The following RETREG1 variants were observed in gnomAD, a reference collection of about 807,000 sequenced individuals.
The protein encoded by RETREG1 is reticulophagy regulator 1, also known as family with sequence similarity 134 member B.
A neutral mutation model predicts 54.8 loss-of-function variants in RETREG1; 44 were observed. The observed-to-expected ratio is 0.80, with a 90% CI of 0.63 to 1.03. RETREG1 has a LOEUF of 1.03. Among genes scored for constraint, RETREG1 ranks in the 50% least tolerant of loss-of-function variants. The probability of loss-of-function intolerance (pLI) is 0.00; values close to 1 mark genes in which losing one functional copy is unlikely to be tolerated. For missense variants in RETREG1, 554 were observed against 605.1 expected (o/e 0.92, Z 0.89); for synonymous variants, 217 against 238.5 (o/e 0.91, Z 0.83).
intron 1 of RETREG1, among the ~76,000 whole-genome samples, chr5:16,600,523 AC>A (rs1743025013): frequency 1.3e-5 from 2 of 152,084 alleles, no homozygotes; most frequent in Non-Finnish European, 2.9e-5. Flanking sequence ...TCTGATGGGG[AC>A]CCCCACGTGT....
chr5:16,556,467 C>T (rs1401259479), intron 3 of RETREG1, among the ~76,000 whole-genome samples: 1 of 151,908 alleles, frequency 6.6e-6, no homozygotes, highest in African/African-American at 2.4e-5. Context: ...GATGAAGTAG[C>T]CCCAAAATAA....
intron 3 of RETREG1, among the ~76,000 whole-genome samples, chr5:16,555,434 G>A (rs1741678662): frequency 6.6e-6 from 1 of 152,172 alleles, no homozygotes; most frequent in South Asian, 2.1e-4. Context: ...ATACAAGCGT[G>A]AGCCACCACA....
chr5:16,568,426 C>T (rs1165654854), intron 2 of RETREG1, among the ~76,000 whole-genome samples: 1 of 152,104 alleles, frequency 6.6e-6, no homozygotes, highest in Non-Finnish European at 1.5e-5. Context: ...TGCCCACCAC[C>T]ACGCCCGGCT....
intron 1 of RETREG1, among the ~76,000 whole-genome samples, chr5:16,588,815 C>T (rs1006631423): frequency 4.6e-5 from 7 of 152,246 alleles, no homozygotes; most frequent in African/African-American, 1.7e-4. Context: ...TATATGCTCA[C>T]CCTACTTACT....
chr5:16,611,350 A>G (rs1392780197), intron 1 of RETREG1, among the ~76,000 whole-genome samples: 1 of 152,208 alleles, frequency 6.6e-6, no homozygotes, highest in Non-Finnish European at 1.5e-5. Context: ...ACATGTATAC[A>G]TACGTAACAA....
chr5:16,584,414 T>C (rs1742572642), intron 1 of RETREG1, among the ~76,000 whole-genome samples: 1 of 152,224 alleles, frequency 6.6e-6, no homozygotes, highest in East Asian at 1.9e-4. Context: ...AATAAATGAT[T>C]TTAAAAAATG....
intron 1 of RETREG1, among the ~76,000 whole-genome samples, chr5:16,609,557 G>A (rs1743283185): frequency 6.6e-6 from 1 of 152,162 alleles, no homozygotes; most frequent in Non-Finnish European, 1.5e-5. Context: ...CATCCAGGAG[G>A]AAGGGAGAGA....
chr5:16,584,437 C>A (rs1381198226), intron 1 of RETREG1, among the ~76,000 whole-genome samples: 1 of 152,108 alleles, frequency 6.6e-6, no homozygotes, highest in African/African-American at 2.4e-5. Context: ...ATATATATAA[C>A]TGTAGACCTA....
chr5:16,523,393 C>A (rs192727060), intron 3 of RETREG1, among the ~76,000 whole-genome samples: 6,091 of 152,056 alleles, frequency 0.04, 412 homozygotes, highest in African/African-American at 0.14. Flanking sequence ...CTTGACAGAT[C>A]TGAGGAGTGT....
At chr5:16,575,287 G>GCGC (rs1476609265) in intron 1 of RETREG1, among the ~76,000 whole-genome samples, 1 of 152,130 alleles carries the variant, frequency 6.6e-6, no homozygotes, top group Admixed American at 6.6e-5. Context: ...GAGCTGTAAT[G>GCGC]CGCAGCTCGG....
intron 3 of RETREG1, among the ~76,000 whole-genome samples, chr5:16,544,754 C>G (rs750817432): frequency 6.6e-6 from 1 of 152,168 alleles, no homozygotes; most frequent in East Asian, 1.9e-4. Flanking sequence ...TATTTCTGGA[C>G]TCTCTGCTTT....
chr5:16,608,909 A>G (rs973091345), intron 1 of RETREG1, among the ~76,000 whole-genome samples: 1 of 152,212 alleles, frequency 6.6e-6, no homozygotes, highest in East Asian at 1.9e-4. Context: ...AAGCCCTAAT[A>G]GTCTCCTATT....
At position 16,577,163 on chromosome 5, in the gene RETREG1, A is replaced by G. The variant is rs553513691; in HGVS notation, c.321-5061T>C. Among the ~76,000 whole-genome samples, 21 of 152,212 alleles carry G rather than the reference A, an allele frequency of 1.4e-4. 1 individual carries two copies. The highest frequency in any genetic ancestry group is 5.1e-4 in the African/African-American group (21 of 41,542). On this transcript the variant is annotated intron_variant, in intron 1 of 8. Transcript: ENST00000306320. Reference sequence around the variant, plus strand: ...CCTTGCTGTCAGGTTCATTTCTCCAATAAAGTTTTCCAGCTTCTGGGAATC... The same window carrying G: ...CCTTGCTGTCAGGTTCATTTCTCCAGTAAAGTTTTCCAGCTTCTGGGAATC...
At chr5:16,600,482 G>T (rs905881024) in intron 1 of RETREG1, among the ~76,000 whole-genome samples, 2 of 152,224 alleles carry the variant, frequency 1.3e-5, no homozygotes, top group African/African-American at 4.8e-5. Context: ...GAGGAACCAC[G>T]CTGAGAACAG....
intron 3 of RETREG1, among the ~76,000 whole-genome samples, chr5:16,553,400 T>C (rs539768947): frequency 2.6e-5 from 4 of 152,134 alleles, no homozygotes; most frequent in Admixed American, 2.0e-4. Flanking sequence ...AAACAAAAAC[T>C]TTATTTAGGG....
At chr5:16,531,582 G>A (rs1330661053) in intron 3 of RETREG1, among the ~76,000 whole-genome samples, 1 of 152,178 alleles carries the variant, frequency 6.6e-6, no homozygotes, top group Non-Finnish European at 1.5e-5. Context: ...AATGAGCACA[G>A]GAGACAGCCT....
In RETREG1 at chr5:16,600,822, A is replaced by G. The variant is rs563192605; in HGVS notation, c.320+15830T>C. ...CACACAAGAAAACCTCGAATAAACT[A>G]TCTTCTCCTTTTTATTAAAGAAGAG... On this transcript the variant is annotated intron_variant, in intron 1 of 8. Coordinates refer to ENST00000306320, the MANE Select transcript of RETREG1 (RefSeq NM_001034850.3). Among the ~76,000 whole-genome samples the G allele has an allele frequency of 3.3e-5, 5 of 152,324 alleles. No homozygotes were observed. In the South Asian group the frequency reaches 8.3e-4, roughly 25 times the overall value.
In RETREG1 at chr5:16,498,895, T is replaced by C. The variant is rs139073844; in HGVS notation, c.459-15423A>G. ...CTTATTGAGTTAAATTCTTTAAATT[T>C]TTCTTTAATAATTCTCTTAGCTTAC... On this transcript the variant is annotated intron_variant, in intron 3 of 8. Transcript: ENST00000306320. Among the ~76,000 whole-genome samples the C allele has an allele frequency of 9.8e-4, 149 of 152,318 alleles. 1 individual carries two copies. In the East Asian group the frequency reaches 0.027, roughly 28 times the overall value.
rs1738417145 is a variant in RETREG1 at position 16,474,078 on chromosome 5, A to C, written c.*663T>G. 1 of 153,200 alleles carries C rather than the reference A, an allele frequency of 6.5e-6. No individual in the cohort carries two copies. Among genetic ancestry groups the C allele is most frequent in the African/African-American group, 2.4e-5 (1 of 41,466 alleles). 9.5% of individuals were successfully genotyped at this position (153,200 alleles called of 1,614,324 possible). A position where few individuals can be genotyped will look rare whatever the true frequency, so the allele number is the denominator to read the frequency against. ...TTAATACCACCCACTGCAAGACTAG[A>C]GATGGCAGTCAATGGAGCATGCTTC... On this transcript the variant is annotated 3_prime_UTR_variant, in exon 9 of 9. Transcript: ENST00000306320.
Sources: allele counts gnomAD v4.1 joint callset (sites outside exome capture counted in the v4.1 genomes callset), GRCh38; gene constraint gnomAD v4.1.1; transcripts MANE v1.5; gene names NCBI Gene and HGNC (gene_info 2026-07-23, HGNC 2026-07-21).